The following VIPR2 variants were observed in gnomAD, a reference collection of about 807,000 sequenced individuals.
The protein encoded by VIPR2 is vasoactive intestinal polypeptide receptor 2.
In VIPR2, 48 loss-of-function variants were observed where a neutral mutation model predicts 58.0. The ratio of observed to expected loss-of-function variants is 0.83; its 90% confidence interval spans 0.66 to 1.05. The LOEUF is 1.05. VIPR2 is among the 50% of genes least tolerant of loss of function. The probability of loss-of-function intolerance (pLI) is 0.00; values close to 1 mark genes in which losing one functional copy is unlikely to be tolerated. For synonymous variants in VIPR2, 243 were observed against 235.2 expected (o/e 1.03, Z -0.30); for missense variants, 534 against 558.0 (o/e 0.96, Z 0.43).
At chr7:159,036,683 A>C (rs1853980116) in intron 7 of VIPR2, 69 bp downstream of exon 7, 3 of 1,524,472 alleles carry the variant, frequency 2.0e-6, no homozygotes, top group Non-Finnish European at 2.7e-6. Context: ...TTCTGAGCTG[A>C]AAATGTTTGC....
chr7:159,141,240 A>C (rs1483425052), intron 2 of VIPR2, among the ~76,000 whole-genome samples: 2 of 152,232 alleles, frequency 1.3e-5, no homozygotes, highest in African/African-American at 4.8e-5. Context: ...GCTTCAGCCA[A>C]GTTACTTTAT....
At chr7:159,140,059 G>A (rs1247019971) in intron 2 of VIPR2, among the ~76,000 whole-genome samples, 1 of 151,592 alleles carries the variant, frequency 6.6e-6, no homozygotes, top group Non-Finnish European at 1.5e-5. Context: ...GTTTCTGTCT[G>A]GATTTACGTG....
chr7:159,136,765 A>G (rs982575399), intron 2 of VIPR2, among the ~76,000 whole-genome samples: 1 of 152,202 alleles, frequency 6.6e-6, no homozygotes, highest in African/African-American at 2.4e-5. Context: ...CTCATAAGTA[A>G]AGAATGTGAA....
At chr7:159,122,395 ATC>A (rs946793618) in intron 2 of VIPR2, among the ~76,000 whole-genome samples, 2 of 152,188 alleles carry the variant, frequency 1.3e-5, no homozygotes, top group African/African-American at 4.8e-5. Flanking sequence ...TCCCATCGGA[ATC>A]TCTCTTTGGG....
At chr7:159,058,150 C>A (rs1855429026) in intron 5 of VIPR2, among the ~76,000 whole-genome samples, 1 of 152,190 alleles carries the variant, frequency 6.6e-6, no homozygotes, top group Admixed American at 6.5e-5. Context: ...TAATAGAGCA[C>A]CTACAGCCAA....
chr7:159,111,801 G>C (rs1378485563), intron 2 of VIPR2, among the ~76,000 whole-genome samples: 1 of 152,170 alleles, frequency 6.6e-6, no homozygotes. Flanking sequence ...TTGAGCCCAA[G>C]ACTTCAAGAC....
At chr7:159,033,674 T>C (rs543334975) in intron 10 of VIPR2, among the ~76,000 whole-genome samples, 1 of 152,234 alleles carries the variant, frequency 6.6e-6, no homozygotes, top group South Asian at 2.1e-4. Context: ...GCTTTCTGAA[T>C]TTTTATTAAG....
intron 4 of VIPR2, among the ~76,000 whole-genome samples, chr7:159,062,998 G>A (rs1366370594): frequency 1.3e-5 from 2 of 152,202 alleles, no homozygotes; most frequent in African/African-American, 4.8e-5. Context: ...TAGACACAGG[G>A]TGTTGACTGG....
intron 2 of VIPR2, among the ~76,000 whole-genome samples, chr7:159,135,852 C>G (rs556321807): frequency 6.6e-6 from 1 of 152,202 alleles, no homozygotes; most frequent in East Asian, 1.9e-4. Context: ...GAGGATCAGC[C>G]AACGCATCAG....
At chr7:159,046,220 G>A (rs915297915) in intron 5 of VIPR2, among the ~76,000 whole-genome samples, 13 of 152,100 alleles carry the variant, frequency 8.5e-5, no homozygotes, top group South Asian at 2.1e-4. Flanking sequence ...GTAGGTATAC[G>A]CTCCAAAGAG....
At chr7:159,067,472 C>T (rs775537986) in intron 4 of VIPR2, among the ~76,000 whole-genome samples, 6 of 152,150 alleles carry the variant, frequency 3.9e-5, no homozygotes, top group Non-Finnish European at 8.8e-5. Flanking sequence ...GAGGAGCTGG[C>T]GCCGGCCTGA....
In VIPR2 at chr7:159,030,729, C is replaced by A. The variant is rs753591260; in HGVS notation, c.1204G>T (p.Asp402Tyr). Reference protein sequence around the residue: ...SRCPTPSASRDYRVCGSSFSR... With the variant: ...SRCPTPSASRYYRVCGSSFSR... ...AAGGAGGAACCGCAGACCCTGTAATCCCGGCTCGCGGACGGGGTCGGGCAC... is the reference window on the plus strand; with the variant it reads ...AAGGAGGAACCGCAGACCCTGTAATACCGGCTCGCGGACGGGGTCGGGCAC... Residue 402 changes from aspartate (D) to tyrosine (Y), a missense_variant, in exon 13 of 13, where the codon GAT (aspartate) becomes TAT (tyrosine). This residue lies in a region of VIPR2 where 306 missense variants were observed against 285.8 expected (regional missense o/e 1.07). Transcript: ENST00000262178. 2.5e-6 allele frequency: 4 copies of A among 1,589,582 alleles called. No individual in the cohort carries two copies. The highest frequency in any genetic ancestry group is 1.8e-5 in the Admixed American group (1 of 57,034).
At chr7:159,139,402 C>G (rs1420128375) in intron 2 of VIPR2, among the ~76,000 whole-genome samples, 1 of 152,180 alleles carries the variant, frequency 6.6e-6, no homozygotes, top group Non-Finnish European at 1.5e-5. Context: ...GCACACGCAG[C>G]TCATGATGCC....
intron 5 of VIPR2, 152 bp from the exon 6 acceptor site, chr7:159,043,328 CA>C (rs1487430556): frequency 1.5e-6 from 1 of 650,606 alleles, no homozygotes; most frequent in Non-Finnish European, 2.3e-6. Context: ...CCATGAATGG[CA>C]ACTGCAATTT....
intron 4 of VIPR2, among the ~76,000 whole-genome samples, chr7:159,079,635 A>T (rs556522953): frequency 1.2e-3 from 185 of 152,326 alleles, no homozygotes; most frequent in African/African-American, 4.3e-3. Context: ...ACTGAAGGAA[A>T]TAGAGACACA....
At chr7:159,103,934 C>A in intron 3 of VIPR2, 80 bp from the exon 4 acceptor site, 1 of 1,247,210 alleles carries the variant, frequency 8.0e-7, no homozygotes. Context: ...GTGCTGAGCC[C>A]GTGCTCTATT....
At chr7:159,061,040 T>C (rs2129494102) in intron 4 of VIPR2, among the ~76,000 whole-genome samples, 1 of 152,268 alleles carries the variant, frequency 6.6e-6, no homozygotes, top group South Asian at 2.1e-4. Flanking sequence ...GAGCATGGAA[T>C]ATTACGCAGC....
At chr7:159,046,131 G>A (rs963382999) in intron 5 of VIPR2, among the ~76,000 whole-genome samples, 1 of 152,180 alleles carries the variant, frequency 6.6e-6, no homozygotes, top group Non-Finnish European at 1.5e-5. Flanking sequence ...TAGTGGAAAT[G>A]TAAAATGGTA....
intron 10 of VIPR2, among the ~76,000 whole-genome samples, chr7:159,033,288 C>G (rs925706643): frequency 6.5e-4 from 99 of 152,196 alleles, no homozygotes; most frequent in African/African-American, 2.2e-3. Flanking sequence ...TCCCTGTTTT[C>G]TAAGGTGGGA....
Sources: allele counts gnomAD v4.1 joint callset (sites outside exome capture counted in the v4.1 genomes callset), GRCh38; gene constraint gnomAD v4.1.1; regional missense constraint gnomAD v4.1.1; transcripts MANE v1.5; gene names NCBI Gene and HGNC (gene_info 2026-07-23, HGNC 2026-07-21).